The following GNAL variants were observed in gnomAD, a reference collection of about 807,000 sequenced individuals.
The protein encoded by GNAL is guanine nucleotide-binding protein G(olf) subunit alpha.
GNAL carries 18 observed loss-of-function variants against 55.1 expected under a neutral mutation model. The ratio of observed to expected loss-of-function variants is 0.33; its 90% confidence interval spans 0.23 to 0.48. GNAL has a LOEUF of 0.48. Ranked by LOEUF, GNAL falls within the 20% of genes least tolerant of loss-of-function variation. GNAL has a pLI of 0.99. For synonymous variants in GNAL, 253 were observed against 237.0 expected (o/e 1.07, Z -0.62); for missense variants, 412 against 614.1 (o/e 0.67, Z 3.48).
At chr18:11,725,699 C>T (rs549396255) in intron 1 of GNAL, among the ~76,000 whole-genome samples, 25 of 152,248 alleles carry the variant, frequency 1.6e-4, no homozygotes, top group African/African-American at 5.5e-4. Flanking sequence ...TGGTTGCCTC[C>T]AAGTTTTGGC....
chr18:11,726,187 T>G (rs1254894166), intron 1 of GNAL, among the ~76,000 whole-genome samples: 1 of 152,244 alleles, frequency 6.6e-6, no homozygotes, highest in African/African-American at 2.4e-5. Context: ...GTCCTCTGAC[T>G]TCATTCTTCT....
chr18:11,791,448 G>C (rs112521907), intron 4 of GNAL, among the ~76,000 whole-genome samples: 1 of 152,182 alleles, frequency 6.6e-6, no homozygotes, highest in East Asian at 1.9e-4. Context: ...CTAAACAGAA[G>C]GTTGATTATC....
chr18:11,811,857 A>T (rs1159050537), intron 4 of GNAL, among the ~76,000 whole-genome samples: 1 of 152,240 alleles, frequency 6.6e-6, no homozygotes, highest in Non-Finnish European at 1.5e-5. Flanking sequence ...TTCAAGCTTG[A>T]TGTTCCAAGG....
At chr18:11,804,764 A>G (rs2034608481) in intron 4 of GNAL, among the ~76,000 whole-genome samples, 1 of 129,266 alleles carries the variant, frequency 7.7e-6, no homozygotes, top group African/African-American at 3.6e-5. Context: ...GGTGAAGTAC[A>G]GGTGCAGTTT....
At chr18:11,838,801 CG>C (rs1431526640) in intron 5 of GNAL, among the ~76,000 whole-genome samples, 1 of 152,008 alleles carries the variant, frequency 6.6e-6, no homozygotes. Flanking sequence ...GAGAGAAAGG[CG>C]GAAGAAATGA....
chr18:11,848,356 A>C (rs16976746), intron 5 of GNAL, among the ~76,000 whole-genome samples: 12,680 of 152,010 alleles, frequency 0.083, 1,049 homozygotes, highest in African/African-American at 0.21. Flanking sequence ...CTCCACCTAT[A>C]CCTTCTCTCC....
At chr18:11,729,227 T>G (rs2032280061) in intron 1 of GNAL, among the ~76,000 whole-genome samples, 1 of 152,166 alleles carries the variant, frequency 6.6e-6, no homozygotes, top group Non-Finnish European at 1.5e-5. Flanking sequence ...GGGGACATTT[T>G]TTTCCTGAGC....
At chr18:11,715,359 G>A (rs1441570411) in intron 1 of GNAL, among the ~76,000 whole-genome samples, 3 of 151,182 alleles carry the variant, frequency 2.0e-5, no homozygotes, top group African/African-American at 7.3e-5. Context: ...TACTCGGGAG[G>A]CTGAGGCAGG....
At chr18:11,879,895 C>G (rs549369941) in intron 11 of GNAL, among the ~76,000 whole-genome samples, 1,954 of 116,424 alleles carry the variant, frequency 0.017, 25 homozygotes, top group African/African-American at 0.069. Context: ...TAAACTGCCC[C>G]TGTGTGGAGG....
At chr18:11,816,505 G>A (rs543240177) in intron 4 of GNAL, among the ~76,000 whole-genome samples, 7 of 152,102 alleles carry the variant, frequency 4.6e-5, no homozygotes, top group African/African-American at 1.7e-4. Context: ...CACCATTTTA[G>A]TCAGGATGGT....
At chr18:11,851,330 C>T in intron 5 of GNAL, 2 of 761,110 alleles carry the variant, frequency 2.6e-6, no homozygotes, top group Admixed American at 3.6e-5. Context: ...ACCCCGGCGC[C>T]TTCCGTCCCG....
chr18:11,880,640 A>G (rs1325763585), intron 11 of GNAL, among the ~76,000 whole-genome samples: 1 of 152,256 alleles, frequency 6.6e-6, no homozygotes, highest in Admixed American at 6.5e-5. Context: ...TGGTGGTATC[A>G]GCTAGATAGC....
intron 5 of GNAL, among the ~76,000 whole-genome samples, chr18:11,843,536 AATAG>A (rs2035664198): frequency 6.6e-6 from 1 of 151,998 alleles, no homozygotes; most frequent in Admixed American, 6.6e-5. Context: ...AAAATAAATA[AATAG>A]ATAAGAAGAA....
chr18:11,761,116 G>T (rs527593425), intron 4 of GNAL, among the ~76,000 whole-genome samples: 2 of 152,234 alleles, frequency 1.3e-5, no homozygotes, highest in East Asian at 3.9e-4. Flanking sequence ...ACGGCCCCCA[G>T]GTCCCGTGGT....
At chr18:11,746,142 G>GAA (rs1171393673) in intron 1 of GNAL, 1 of 544,264 alleles carries the variant, frequency 1.8e-6, no homozygotes, top group Non-Finnish European at 3.7e-6. Context: ...GGGACACTAT[G>GAA]AAGTTTTGGA....
In GNAL at chr18:11,752,825, T is replaced by C; in HGVS notation, c.377-28T>C. 1 of 1,523,262 alleles carries C rather than the reference T, an allele frequency of 6.6e-7. No homozygotes were observed. The highest frequency in any genetic ancestry group is 9.1e-7 in the Non-Finnish European group (1 of 1,097,522). 94.4% of individuals were successfully genotyped at this position (1,523,262 alleles called of 1,614,324 possible). A position where few individuals can be genotyped will look rare whatever the true frequency, so the allele number is the denominator to read the frequency against. ...GATGGCAGCGATATCCGGACACAGA[T>C]CACAGCGTTCTTTCTGTTTGTTTGC... On this transcript the variant is annotated intron_variant, in intron 1 of 11. Transcript: ENST00000334049. This position sits in a 1 kb window ranked among gnomAD's most constrained non-coding sequence, Gnocchi z 4.5.
Position 11,795,906 on chromosome 18 carries a change from A to G in GNAL, c.625-29012A>G, listed in dbSNP as rs2034365528. Among the ~76,000 whole-genome samples, 4 of 152,196 alleles carry G rather than the reference A, an allele frequency of 2.6e-5. No individual in the cohort carries two copies. In the South Asian group the frequency reaches 8.3e-4, roughly 31 times the overall value. ...AATGGCCTTGCCATGGGTTAAGAGTAAAAAATTCCCATCTCACCAGCTCCA... is the reference window on the plus strand; with the variant it reads ...AATGGCCTTGCCATGGGTTAAGAGTGAAAAATTCCCATCTCACCAGCTCCA... On this transcript the variant is annotated intron_variant, in intron 4 of 11. Transcript: ENST00000334049.
chr18:11,829,594 T>G (rs1393160546), intron 5 of GNAL, among the ~76,000 whole-genome samples: 1 of 152,178 alleles, frequency 6.6e-6, no homozygotes, highest in Non-Finnish European at 1.5e-5. Flanking sequence ...ACAGTCTGAG[T>G]GCAGTCCTCA....
At chr18:11,724,212 C>T (rs751016149) in intron 1 of GNAL, among the ~76,000 whole-genome samples, 27 of 152,196 alleles carry the variant, frequency 1.8e-4, no homozygotes, top group Admixed American at 1.3e-4. Flanking sequence ...GTACAGAAAG[C>T]ATGATGCTGG....
Sources: gnomAD v4.1 joint callset for allele counts (sites outside exome capture counted in the v4.1 genomes callset) on GRCh38, gnomAD v4.1.1 for gene constraint, Gnocchi (gnomAD v3.1) non-coding constraint, MANE v1.5 for transcripts, NCBI Gene and HGNC (gene_info 2026-07-23, HGNC 2026-07-21) for gene names.